SLIT1: variants seen among roughly 807,000 people sequenced by gnomAD.
SLIT1 encodes the protein slit homolog 1 protein.
Under a neutral mutation model 186.1 loss-of-function variants are expected in SLIT1, and 66 were observed. That is an observed-to-expected ratio of 0.35 (90% CI 0.29 to 0.44). The LOEUF (loss-of-function observed/expected upper bound fraction) is 0.44. Among genes scored for constraint, SLIT1 ranks in the 20% least tolerant of loss-of-function variants. The pLI is 1.00. For synonymous variants in SLIT1, 761 were observed against 833.8 expected (o/e 0.91, Z 1.50); for missense variants, 1,638 against 2,037.4 (o/e 0.80, Z 3.77).
intron 1 of SLIT1, among the ~76,000 whole-genome samples, chr10:97,178,424 G>A (rs1195827585): frequency 1.3e-5 from 2 of 152,148 alleles, no homozygotes; most frequent in Non-Finnish European, 2.9e-5. Flanking sequence ...TAACCGGCCT[G>A]CATACATCAA....
At position 97,004,567 on chromosome 10, in the gene SLIT1, T is replaced by G. The variant is rs560397722; in HGVS notation, c.3710+126A>C. On this transcript the variant is annotated intron_variant, in intron 33 of 36. Coordinates refer to ENST00000266058, the MANE Select transcript of SLIT1 (RefSeq NM_003061.3). This position sits in a 1 kb window ranked among gnomAD's most constrained non-coding sequence, Gnocchi z 5.1. ...CTGGGGCTAACCCAGATGGTTCAAG[T>G]GTCCTTCAAACTCAGGCAGCCCAGG... is the stretch of plus-strand genomic sequence containing the variant. The G allele has an allele frequency of 8.7e-7, 1 of 1,152,908 alleles. No individual in the cohort carries two copies. Among genetic ancestry groups the G allele is most frequent in the East Asian group, 2.3e-5 (1 of 42,710 alleles). 71.4% of individuals were successfully genotyped at this position (1,152,908 alleles called of 1,614,324 possible).
intron 28 of SLIT1, among the ~76,000 whole-genome samples, chr10:97,017,766 G>A (rs1848466356): frequency 6.6e-6 from 1 of 152,246 alleles, no homozygotes; most frequent in Non-Finnish European, 1.5e-5. Flanking sequence ...GGCTGGCCAG[G>A]GCCCTGTCTG....
intron 4 of SLIT1, among the ~76,000 whole-genome samples, chr10:97,103,941 G>T (rs969200671): frequency 6.6e-6 from 1 of 152,182 alleles, no homozygotes; most frequent in African/African-American, 2.4e-5. Context: ...GCAGACTGCA[G>T]AACAGTCACT....
intron 4 of SLIT1, among the ~76,000 whole-genome samples, chr10:97,104,948 C>A (rs922352678): frequency 6.6e-6 from 1 of 152,334 alleles, no homozygotes; most frequent in Non-Finnish European, 1.5e-5. Flanking sequence ...TGTCACCACC[C>A]GTGAGATGGT....
intron 4 of SLIT1, among the ~76,000 whole-genome samples, chr10:97,085,004 A>G (rs1371213595): frequency 1.3e-5 from 2 of 148,672 alleles, no homozygotes; most frequent in African/African-American, 4.9e-5. Flanking sequence ...GCTCACTGCA[A>G]GCTCCACCTC....
chr10:97,150,494 A>G (rs1401415788), intron 4 of SLIT1, among the ~76,000 whole-genome samples: 3 of 152,016 alleles, frequency 2.0e-5, no homozygotes, highest in Admixed American at 1.3e-4. Flanking sequence ...ACGCCTCTCC[A>G]ACCACCAGGG....
intron 4 of SLIT1, among the ~76,000 whole-genome samples, chr10:97,103,969 C>A (rs1849387457): frequency 6.6e-6 from 1 of 152,184 alleles, no homozygotes; most frequent in African/African-American, 2.4e-5. Flanking sequence ...TAACTACCTG[C>A]TGAGCACCCC....
At chr10:97,057,939 C>T (rs568779221) in intron 11 of SLIT1, 2 of 716,070 alleles carry the variant, frequency 2.8e-6, no homozygotes, top group East Asian at 2.7e-5. Flanking sequence ...AATCGGACCC[C>T]ACAAGCTACC....
chr10:97,031,821 T>G (rs12049795), intron 23 of SLIT1, 144 bp from the exon 24 acceptor site: 114,302 of 630,780 alleles, frequency 0.18, 12,359 homozygotes, highest in South Asian at 0.36. Flanking sequence ...GGCAAGTGCA[T>G]GGGCTGGGCT....
In SLIT1 at chr10:97,159,321, G is replaced by C. The variant is rs563474786; in HGVS notation, c.342-1432C>G. ...ACAGACAATTAAGTCAACTTTTGCA[G>C]ACCCACTGGAAGTTTACTTTTAAGG... On this transcript the variant is annotated intron_variant, in intron 3 of 36. Coordinates refer to ENST00000266058, the MANE Select transcript of SLIT1 (RefSeq NM_003061.3). 2.8e-4 allele frequency among the ~76,000 whole-genome samples: 43 copies of C among 152,308 alleles called. 1 individual carries two copies. In the South Asian group the frequency reaches 8.7e-3, roughly 31 times the overall value.
intron 1 of SLIT1, among the ~76,000 whole-genome samples, chr10:97,178,786 AG>A (rs1196651709): frequency 2.9e-5 from 2 of 67,950 alleles, no homozygotes; most frequent in Non-Finnish European, 7.2e-5. Flanking sequence ...AGAGAGAGAG[AG>A]AAAGTGTGTG....
chr10:97,182,828 C>T (rs974693735), intron 1 of SLIT1, among the ~76,000 whole-genome samples: 1 of 152,182 alleles, frequency 6.6e-6, no homozygotes, highest in Non-Finnish European at 1.5e-5. Flanking sequence ...GTTTTTGGCT[C>T]ATACTCACAC....
chr10:97,030,198 C>A (rs982586496), intron 25 of SLIT1, among the ~76,000 whole-genome samples: 2 of 152,146 alleles, frequency 1.3e-5, no homozygotes, highest in African/African-American at 4.8e-5. Flanking sequence ...AAGCCCACTG[C>A]TTTTAAGGAA....
rs1317286278 is a variant in SLIT1, at chr10:97,184,021, CA to C, written c.197+1456del. ...CACACACACACATACACATGCACCACACACACACACACACACACACACACAC... is the reference window on the plus strand; with the variant it reads ...CACACACACACATACACATGCACCACCACACACACACACACACACACACAC... On this transcript the variant is annotated intron_variant, in intron 1 of 36. Transcript: ENST00000266058. The surrounding 1 kb of genome is among the most constrained non-coding windows in gnomAD (Gnocchi z 4.4). 1.0e-4 allele frequency among the ~76,000 whole-genome samples: 4 copies of C among 38,642 alleles called. No individual in the cohort carries two copies. Among genetic ancestry groups the C allele is most frequent in the African/African-American group, 2.8e-4 (3 of 10,704 alleles). 25.4% of individuals were successfully genotyped at this position (38,642 alleles called of 152,430 possible).
intron 4 of SLIT1, among the ~76,000 whole-genome samples, chr10:97,156,589 A>T (rs1849955007): frequency 6.6e-6 from 1 of 152,160 alleles, no homozygotes; most frequent in South Asian, 2.1e-4. Context: ...AAATAAGTAA[A>T]TAAAAGTTTG....
At chr10:97,163,574 G>A in intron 2 of SLIT1, 123 bp from the exon 3 acceptor site, 1 of 793,710 alleles carries the variant, frequency 1.3e-6, no homozygotes, top group South Asian at 1.5e-5. Flanking sequence ...GAGTAAGACA[G>A]GAGCCATGCC....
intron 28 of SLIT1, among the ~76,000 whole-genome samples, chr10:97,018,245 C>T (rs1013284468): frequency 6.6e-5 from 10 of 152,208 alleles, no homozygotes; most frequent in African/African-American, 2.4e-4. Context: ...TTCAAAAAGG[C>T]CCCCATGGCA....
chr10:97,052,843 T>C (rs1564663028), intron 13 of SLIT1, among the ~76,000 whole-genome samples: 1 of 152,208 alleles, frequency 6.6e-6, no homozygotes, highest in Non-Finnish European at 1.5e-5. Context: ...TAGTACCTGA[T>C]AGTACCTTGG....
rs900172225 is a variant in SLIT1 at position 97,016,166 on chromosome 10, G to A, written c.2970-2008C>T. On this transcript the variant is annotated intron_variant, in intron 28 of 36. Coordinates refer to ENST00000266058, the MANE Select transcript of SLIT1 (RefSeq NM_003061.3). ...TCTACTAAAAATACAAAAATTAGCC[G>A]GGTGTGGTGGTGCATGCCTGTAGTC... Among the ~76,000 whole-genome samples the A allele has an allele frequency of 7.2e-5, 11 of 152,086 alleles. No individual in the cohort carries two copies. The East Asian group carries it at 9.7e-4, about 13-fold the overall frequency.
Sources: allele counts gnomAD v4.1 joint callset (sites outside exome capture counted in the v4.1 genomes callset), GRCh38; gene constraint gnomAD v4.1.1; non-coding constraint Gnocchi (gnomAD v3.1); transcripts MANE v1.5; gene names NCBI Gene and HGNC (gene_info 2026-07-23, HGNC 2026-07-21).